PLCL2: variants seen among roughly 807,000 people sequenced by gnomAD.
PLCL2 encodes inactive phospholipase C-like protein 2.
Under a neutral mutation model 79.6 loss-of-function variants are expected in PLCL2, and 4 were observed. The observed-to-expected ratio is 0.05, with a 90% CI of 0.02 to 0.11. PLCL2 has a LOEUF of 0.11. Among genes scored for constraint, PLCL2 ranks in the 10% least tolerant of loss-of-function variants. The probability of loss-of-function intolerance (pLI) is 1.00; values close to 1 mark genes in which losing one functional copy is unlikely to be tolerated. For synonymous variants in PLCL2, 484 were observed against 457.7 expected (o/e 1.06, Z -0.73); for missense variants, 895 against 1,291.0 (o/e 0.69, Z 4.70).
At chr3:16,979,203 TG>T (rs1341366448) in intron 1 of PLCL2, among the ~76,000 whole-genome samples, 1 of 152,166 alleles carries the variant, frequency 6.6e-6, no homozygotes, top group African/African-American at 2.4e-5. Context: ...ATTAAATCTA[TG>T]GCATGAACTG....
chr3:17,000,429 T>C (rs915592224), intron 1 of PLCL2, among the ~76,000 whole-genome samples: 1 of 84,432 alleles, frequency 1.2e-5, no homozygotes, highest in Non-Finnish European at 2.4e-5. Flanking sequence ...ATGTCAAACA[T>C]TTATAATTTC....
chr3:16,954,341 G>A (rs567818133), intron 1 of PLCL2, among the ~76,000 whole-genome samples: 11 of 152,180 alleles, frequency 7.2e-5, no homozygotes, highest in African/African-American at 2.7e-4. Context: ...CCATGTCCCT[G>A]CAAAGGACAT....
chr3:17,010,550 A>T lies in PLCL2; in HGVS notation c.1204A>T (p.Ile402Leu), dbSNP rs1211789736. 3 of 1,614,178 alleles carry T rather than the reference A, an allele frequency of 1.9e-6. No homozygotes were observed. ...GGGTCAGGAAAAGGGCTGGCTCTCC[A>T]TAGACGGGTTCACTAATTACCTTAT... ...KEGQEKGWLS[I>L]DGFTNYLMSP... Residue 402 changes from isoleucine (I) to leucine (L), a missense_variant, in exon 2 of 6, where the codon ATA becomes TTA. Transcript: ENST00000615277. This position sits in a 1 kb window ranked among gnomAD's most constrained non-coding sequence, Gnocchi z 5.8.
chr3:16,991,943 C>T (rs1282873065), intron 1 of PLCL2, among the ~76,000 whole-genome samples: 2 of 152,118 alleles, frequency 1.3e-5, no homozygotes, highest in African/African-American at 4.8e-5. Context: ...ATTCAAATTA[C>T]ATTAAAAGAT....
chr3:16,993,686 G>A (rs987405029), intron 1 of PLCL2, among the ~76,000 whole-genome samples: 3 of 152,122 alleles, frequency 2.0e-5, no homozygotes, highest in Non-Finnish European at 2.9e-5. Context: ...ATTAGATGTG[G>A]CATTTTAAGC....
intron 1 of PLCL2, among the ~76,000 whole-genome samples, chr3:16,934,036 C>T (rs1355433305): frequency 6.6e-6 from 1 of 152,126 alleles, no homozygotes; most frequent in East Asian, 1.9e-4. Context: ...CACTGCACTC[C>T]AGCCTGAACG....
chr3:16,964,830 G>A (rs1446855607), intron 1 of PLCL2, among the ~76,000 whole-genome samples: 1 of 152,138 alleles, frequency 6.6e-6, no homozygotes, highest in South Asian at 2.1e-4. Context: ...TTTGAGAAGT[G>A]TCTGTTCATG....
intron 1 of PLCL2, among the ~76,000 whole-genome samples, chr3:16,958,377 T>A (rs1429833730): frequency 6.6e-6 from 1 of 152,246 alleles, no homozygotes; most frequent in Non-Finnish European, 1.5e-5. Flanking sequence ...TTTGCATGTT[T>A]CCTCATTTTA....
intron 5 of PLCL2, among the ~76,000 whole-genome samples, chr3:17,084,050 GCTAA>G (rs2065191073): frequency 6.6e-6 from 1 of 152,108 alleles, no homozygotes; most frequent in East Asian, 1.9e-4. Context: ...CTTTAGTCAA[GCTAA>G]CTAAGAAAGA....
At chr3:17,045,845 C>G (rs989045901) in intron 4 of PLCL2, among the ~76,000 whole-genome samples, 1 of 152,126 alleles carries the variant, frequency 6.6e-6, no homozygotes, top group African/African-American at 2.4e-5. Context: ...ATACAGAAAG[C>G]CGTGACATTT....
intron 3 of PLCL2, among the ~76,000 whole-genome samples, chr3:17,020,453 A>G (rs2064437192): frequency 1.3e-5 from 2 of 152,288 alleles, no homozygotes; most frequent in South Asian, 4.1e-4. Flanking sequence ...ATACACAGCA[A>G]ATGGGCAGCC....
intron 1 of PLCL2, among the ~76,000 whole-genome samples, chr3:16,949,281 C>T (rs115347062): frequency 0.021 from 3,196 of 152,240 alleles, 55 homozygotes; most frequent in South Asian, 0.043. Flanking sequence ...GGTGCCACTG[C>T]GCTCTCCCTC....
chr3:17,056,936 T>C lies in PLCL2; in HGVS notation c.3095-11020T>C, dbSNP rs529728451. ...GTTAAGCAGAAGGAACAGGGCATTTTAGATGGGCCAAAGCTTAGCAGACTT... is the reference window on the plus strand; with the variant it reads ...GTTAAGCAGAAGGAACAGGGCATTTCAGATGGGCCAAAGCTTAGCAGACTT... On this transcript the variant is annotated intron_variant, in intron 4 of 5. Coordinates refer to ENST00000615277, the MANE Select transcript of PLCL2 (RefSeq NM_001144382.2). Among the ~76,000 whole-genome samples the C allele has an allele frequency of 2.0e-5, 3 of 152,304 alleles. No homozygotes were observed. The East Asian group carries it at 5.8e-4, about 29-fold the overall frequency.
chr3:16,966,134 G>C (rs927047416), intron 1 of PLCL2, among the ~76,000 whole-genome samples: 1 of 150,818 alleles, frequency 6.6e-6, no homozygotes, highest in Non-Finnish European at 1.5e-5. Flanking sequence ...TGCCCATTCA[G>C]TATGATATTG....
intron 1 of PLCL2, among the ~76,000 whole-genome samples, chr3:16,953,945 A>C (rs1211672816): frequency 6.6e-6 from 1 of 152,144 alleles, no homozygotes; most frequent in Non-Finnish European, 1.5e-5. Context: ...TAACTGATGA[A>C]CTTTAAAATA....
chr3:17,085,186 G>A (rs2124958007), intron 5 of PLCL2, among the ~76,000 whole-genome samples: 1 of 152,252 alleles, frequency 6.6e-6, no homozygotes, highest in East Asian at 1.9e-4. Flanking sequence ...CCAGGCTGGA[G>A]TGTACTGGCA....
At chr3:16,915,399 G>T (rs975911010) in intron 1 of PLCL2, among the ~76,000 whole-genome samples, 20 of 152,154 alleles carry the variant, frequency 1.3e-4, no homozygotes, top group African/African-American at 4.8e-4. Flanking sequence ...GCCAAACCAT[G>T]AAATAGAAAA....
At chr3:16,940,496 G>A (rs1177523876) in intron 1 of PLCL2, among the ~76,000 whole-genome samples, 1 of 152,162 alleles carries the variant, frequency 6.6e-6, no homozygotes, top group African/African-American at 2.4e-5. Flanking sequence ...GGGGCTAGAG[G>A]GTGGAAGAGG....
At chr3:17,004,774 T>G (rs1223230828) in intron 1 of PLCL2, among the ~76,000 whole-genome samples, 1 of 151,760 alleles carries the variant, frequency 6.6e-6, no homozygotes, top group Non-Finnish European at 1.5e-5. Context: ...AGTTCTTTCT[T>G]GGGTTTTTTT....
Sources: allele counts gnomAD v4.1 joint callset (sites outside exome capture counted in the v4.1 genomes callset), GRCh38; gene constraint gnomAD v4.1.1; non-coding constraint Gnocchi (gnomAD v3.1); transcripts MANE v1.5; gene names NCBI Gene and HGNC (gene_info 2026-07-23, HGNC 2026-07-21).